SEPTIN9: variants seen among roughly 807,000 people sequenced by gnomAD.
SEPTIN9 encodes the protein septin 9, also known as septin-9.
In SEPTIN9, 13 loss-of-function variants were observed where a neutral mutation model predicts 56.6. The observed-to-expected ratio is 0.23, with a 90% CI of 0.15 to 0.37. SEPTIN9 has a LOEUF of 0.37. Among genes scored for constraint, SEPTIN9 ranks in the 10% least tolerant of loss-of-function variants. The pLI, the probability that SEPTIN9 is intolerant of heterozygous loss-of-function variation, is 1.00. For missense variants in SEPTIN9, 650 were observed against 823.1 expected (o/e 0.79, Z 2.57); for synonymous variants, 332 against 334.1 (o/e 0.99, Z 0.07).
At chr17:77,373,235 C>G in intron 2 of SEPTIN9, 1 of 1,124,472 alleles carries the variant, frequency 8.9e-7, no homozygotes, top group Non-Finnish European at 1.1e-6. Flanking sequence ...CAGTGCGAGA[C>G]AGGGAGGCCG....
At chr17:77,478,820 A>AATGG (rs57230060) in intron 3 of SEPTIN9, among the ~76,000 whole-genome samples, 1 of 151,118 alleles carries the variant, frequency 6.6e-6, no homozygotes, top group Non-Finnish European at 1.5e-5. Flanking sequence ...AAAAAAAAAA[A>AATGG]GGGTGGAACA....
intron 2 of SEPTIN9, among the ~76,000 whole-genome samples, chr17:77,372,093 C>A (rs561098781): frequency 1.3e-5 from 2 of 151,940 alleles, no homozygotes; most frequent in Non-Finnish European, 2.9e-5. Flanking sequence ...TTCAAGGGAC[C>A]GGAGTGCAGT....
At chr17:77,394,398 C>T (rs1417559587) in intron 2 of SEPTIN9, among the ~76,000 whole-genome samples, 1 of 152,202 alleles carries the variant, frequency 6.6e-6, no homozygotes, top group Non-Finnish European at 1.5e-5. Context: ...CTCCTTGGCA[C>T]CATCTGTCCG....
rs374831318 is a variant in SEPTIN9, at chr17:77,492,949, G to T, written c.1477-31G>T. On this transcript the variant is annotated intron_variant, in intron 9 of 11. Transcript: ENST00000427177. The surrounding 1 kb of genome is among the most constrained non-coding windows in gnomAD (Gnocchi z 5.4). The stretch of plus-strand genomic sequence containing the variant: ...GGGAGGGAATTGCCTTCCCGCACAT[G>T]TGTAACCAATACCGTCTGCCCGTTC... 6.5e-7 allele frequency: 1 copy of T among 1,547,962 alleles called. No homozygotes were observed. Among genetic ancestry groups the T allele is most frequent in the South Asian group, 1.2e-5 (1 of 84,772 alleles).
chr17:77,491,093 CA>C (rs1432329558), intron 8 of SEPTIN9, among the ~76,000 whole-genome samples: 10 of 152,174 alleles, frequency 6.6e-5, no homozygotes, highest in Non-Finnish European at 1.5e-4. Flanking sequence ...GTGGGAGTGC[CA>C]ATTCTCCAGC....
chr17:77,400,285 G>C lies in SEPTIN9; in HGVS notation c.77-1774G>C, dbSNP rs1248166776. ...ATCCAGATTTCTACTCTCTTGAGAA[G>C]TGAACAGCTCTGGCCACGCCGGGCC... On this transcript the variant is annotated intron_variant, in intron 2 of 11. Coordinates refer to ENST00000427177, the MANE Select transcript of SEPTIN9 (RefSeq NM_001113491.2). The surrounding 1 kb of genome is among the most constrained non-coding windows in gnomAD (Gnocchi z 4.1). 2.0e-5 allele frequency among the ~76,000 whole-genome samples: 3 copies of C among 152,246 alleles called. No homozygotes were observed. The highest frequency in any genetic ancestry group is 7.2e-5 in the African/African-American group (3 of 41,456).
intron 3 of SEPTIN9, among the ~76,000 whole-genome samples, chr17:77,465,639 C>T (rs773265008): frequency 5.1e-4 from 78 of 152,222 alleles, no homozygotes; most frequent in Non-Finnish European, 7.4e-4. Flanking sequence ...GGGGTGGGGA[C>T]GCAGAGTGAC....
intron 2 of SEPTIN9, chr17:77,320,438 G>A: frequency 2.6e-6 from 3 of 1,154,998 alleles, no homozygotes; most frequent in Non-Finnish European, 3.9e-6. Context: ...CATGCAAAGG[G>A]CGCTTTTGCT....
chr17:77,498,713 C>CT lies in SEPTIN9; in HGVS notation c.*55_*56insT, dbSNP rs1555681887. On this transcript the variant is annotated 3_prime_UTR_variant, in exon 12 of 12. Coordinates refer to ENST00000427177, the MANE Select transcript of SEPTIN9 (RefSeq NM_001113491.2). The stretch of plus-strand genomic sequence containing the variant: ...CCCCCAAGTCATTTCCGTCCCCCCC[C>CT]AGGCCCTCCCACCACCCCATTTTAT... The CT allele has an allele frequency of 1.8e-6, 2 of 1,115,018 alleles. No individual in the cohort carries two copies. Among genetic ancestry groups the CT allele is most frequent in the Admixed American group, 2.0e-5 (1 of 50,556 alleles). The allele number at this position is 1,115,018 out of a possible 1,614,324, so 69.1% of individuals were successfully genotyped here. A position where few individuals can be genotyped will look rare whatever the true frequency, so the allele number is the denominator to read the frequency against.
At chr17:77,407,938 G>T (rs1261026335) in intron 3 of SEPTIN9, among the ~76,000 whole-genome samples, 1 of 152,216 alleles carries the variant, frequency 6.6e-6, no homozygotes, top group Non-Finnish European at 1.5e-5. Context: ...ACCCAGTACT[G>T]AGCCTGCAAG....
chr17:77,372,349 C>A (rs964821852), intron 2 of SEPTIN9, among the ~76,000 whole-genome samples: 2 of 152,186 alleles, frequency 1.3e-5, no homozygotes, highest in Non-Finnish European at 2.9e-5. Flanking sequence ...TGTGTCTAAC[C>A]CAGGTCCCCA....
chr17:77,497,731 TCTGACCC>T (rs1354163361), intron 11 of SEPTIN9: 2 of 382,974 alleles, frequency 5.2e-6, no homozygotes, highest in Non-Finnish European at 9.9e-6. Flanking sequence ...CCCACTGGCC[TCTGACCC>T]CTACCCCTTT....
intron 2 of SEPTIN9, among the ~76,000 whole-genome samples, chr17:77,311,220 A>ACCCCCCCCCCCCCC (rs141106062): frequency 8.5e-6 from 1 of 117,334 alleles, no homozygotes; most frequent in African/African-American, 3.1e-5. Context: ...GCAAGGAAGG[A>ACCCCCCCCCCCCCC]CCCCCCCCCC....
chr17:77,412,221 G>T (rs770653299), intron 3 of SEPTIN9, among the ~76,000 whole-genome samples: 7 of 151,452 alleles, frequency 4.6e-5, no homozygotes, highest in Non-Finnish European at 7.4e-5. Flanking sequence ...TCCCCTCGTC[G>T]ACCTGCTCAG....
At chr17:77,454,239 C>T in intron 3 of SEPTIN9, 1 of 985,572 alleles carries the variant, frequency 1.0e-6, no homozygotes, top group South Asian at 4.7e-5. Context: ...GTCCCACAGC[C>T]ACTCTTTGGG....
chr17:77,441,055 G>A lies in SEPTIN9; in HGVS notation c.721+38352G>A, dbSNP rs185251550. Among the ~76,000 whole-genome samples the A allele has an allele frequency of 2.8e-3, 422 of 152,332 alleles. 2 individuals are homozygous for A. Among genetic ancestry groups the A allele is most frequent in the Non-Finnish European group, 4.9e-3 (332 of 68,034 alleles). ...TGTCTCTGAACAAACAGATGGAGGG[G>A]CTATTCCAGCGTTTTCTCAGCCTCT... On this transcript the variant is annotated intron_variant, in intron 3 of 11. Transcript: ENST00000427177.
At chr17:77,466,918 C>T (rs1258961424) in intron 3 of SEPTIN9, among the ~76,000 whole-genome samples, 1 of 152,172 alleles carries the variant, frequency 6.6e-6, no homozygotes, top group African/African-American at 2.4e-5. Flanking sequence ...TGGTGCTCAG[C>T]TCGGCCTCTG....
chr17:77,466,931 C>A (rs1024742925), intron 3 of SEPTIN9, among the ~76,000 whole-genome samples: 1 of 152,144 alleles, frequency 6.6e-6, no homozygotes, highest in Non-Finnish European at 1.5e-5. Flanking sequence ...GGCCTCTGCA[C>A]CTTTTAGTGC....
intron 3 of SEPTIN9, among the ~76,000 whole-genome samples, chr17:77,407,461 G>T (rs2036131040): frequency 6.6e-6 from 1 of 152,006 alleles, no homozygotes; most frequent in South Asian, 2.1e-4. Context: ...TAGAGACCAA[G>T]CAGAAACTTT....
Sources: allele counts gnomAD v4.1 joint callset (sites outside exome capture counted in the v4.1 genomes callset), GRCh38; gene constraint gnomAD v4.1.1; non-coding constraint Gnocchi (gnomAD v3.1); transcripts MANE v1.5; gene names NCBI Gene and HGNC (gene_info 2026-07-23, HGNC 2026-07-21).